The following RFTN1 variants were observed in gnomAD, a reference collection of about 807,000 sequenced individuals.
RFTN1 encodes the protein raftlin.
A neutral mutation model predicts 46.5 loss-of-function variants in RFTN1; 26 were observed. That is an observed-to-expected ratio of 0.56 (90% CI 0.41 to 0.78). The LOEUF (loss-of-function observed/expected upper bound fraction) is 0.78. RFTN1 is among the 30% of genes least tolerant of loss of function. RFTN1 has a pLI of 0.00. For synonymous variants in RFTN1, 261 were observed against 284.2 expected, an observed-to-expected ratio of 0.92 and a Z score of 0.82; for missense variants, 693 against 718.7, an observed-to-expected ratio of 0.96 and a Z score of 0.41.
At chr3:16,431,168 T>G (rs2125489414) in intron 3 of RFTN1, among the ~76,000 whole-genome samples, 1 of 152,322 alleles carries the variant, frequency 6.6e-6, no homozygotes. Context: ...AGTAGCCAAG[T>G]GCAGCCTAGA....
intron 3 of RFTN1, among the ~76,000 whole-genome samples, chr3:16,423,091 C>T (rs955441895): frequency 6.6e-6 from 1 of 151,988 alleles, no homozygotes; most frequent in Admixed American, 6.5e-5. Context: ...TGGCGAGAAC[C>T]CAGGAGGCAG....
chr3:16,433,915 G>T lies in RFTN1; in HGVS notation c.268C>A (p.His90Asn), dbSNP rs2075445349. ...AALHPFVQPT[H>N]EREKTPLEHI... ...TCCAGGGGCGTCTTCTCCCGCTCAT[G>T]GGTGGGCTGCACGAAGGGGTGCAGG... Residue 90 changes from histidine to asparagine, a missense_variant, in exon 3 of 10, where the codon CAT becomes AAT. By Grantham distance (68) the His-to-Asn change is moderately conservative. Transcript: ENST00000334133. This position sits in a 1 kb window ranked among gnomAD's most constrained non-coding sequence, Gnocchi z 4.4. 1.1e-5 allele frequency: 17 copies of T among 1,614,216 alleles called. No homozygotes were observed. Among genetic ancestry groups the T allele is most frequent in the Non-Finnish European group, 1.4e-5 (17 of 1,180,038 alleles).
chr3:16,462,013 G>A (rs567051083), intron 2 of RFTN1, among the ~76,000 whole-genome samples: 2 of 152,316 alleles, frequency 1.3e-5, no homozygotes, highest in East Asian at 3.9e-4. Flanking sequence ...CAGTCTAAAA[G>A]CCAGCTCCTG....
chr3:16,366,716 G>A (rs1168793541), intron 6 of RFTN1, among the ~76,000 whole-genome samples: 1 of 152,014 alleles, frequency 6.6e-6, no homozygotes, highest in Non-Finnish European at 1.5e-5. Flanking sequence ...TATAACACAG[G>A]CATAACTACC....
rs2072853692 is a variant in RFTN1, at chr3:16,361,849, G to C, written c.1031-3802C>G. On this transcript the variant is annotated intron_variant, in intron 6 of 9. Coordinates refer to ENST00000334133, the MANE Select transcript of RFTN1 (RefSeq NM_015150.2). The surrounding 1 kb of genome is among the most constrained non-coding windows in gnomAD (Gnocchi z 4.3). ...TGAGAGGGCATGCCCCAGTTAGCCA[G>C]TTGGTTCTAGGGAGATGAAGGACAA... Among the ~76,000 whole-genome samples, 1 of 152,242 alleles carries C rather than the reference G, an allele frequency of 6.6e-6. No individual in the cohort carries two copies. The highest frequency in any genetic ancestry group is 1.5e-5 in the Non-Finnish European group (1 of 68,044).
chr3:16,388,345 T>C (rs1448679525), intron 4 of RFTN1, among the ~76,000 whole-genome samples: 1 of 152,236 alleles, frequency 6.6e-6, no homozygotes, highest in Admixed American at 6.5e-5. Flanking sequence ...CAGTAAGTAT[T>C]CCTTGGGCAT....
rs372235591 is a variant in RFTN1, at chr3:16,361,511, T to C, written c.1031-3464A>G. 1.1e-4 allele frequency among the ~76,000 whole-genome samples: 16 copies of C among 152,164 alleles called. No individual in the cohort carries two copies. The highest frequency in any genetic ancestry group is 3.9e-4 in the African/African-American group (16 of 41,498). On this transcript the variant is annotated intron_variant, in intron 6 of 9. Transcript: ENST00000334133. This position sits in a 1 kb window ranked among gnomAD's most constrained non-coding sequence, Gnocchi z 4.3. ...GTGGTGGCTATTTTTGAAAGAGGCATCAGGGTAGGGCTCCCCACTTCGAGT... is the reference window on the plus strand; with the variant it reads ...GTGGTGGCTATTTTTGAAAGAGGCACCAGGGTAGGGCTCCCCACTTCGAGT...
chr3:16,327,498 G>T lies in RFTN1; in HGVS notation c.1147-622C>A, dbSNP rs1157813014. On this transcript the variant is annotated intron_variant, in intron 7 of 9. Coordinates refer to ENST00000334133, the MANE Select transcript of RFTN1 (RefSeq NM_015150.2). The surrounding 1 kb of genome is among the most constrained non-coding windows in gnomAD (Gnocchi z 4.2). ...GCCCCGGCCGGGTGCTGTGGCTCAC[G>T]TCTGTAATCCCAGCACTTTGGGAGG... Among the ~76,000 whole-genome samples the T allele has an allele frequency of 2.0e-5, 3 of 151,972 alleles. No individual in the cohort carries two copies.
chr3:16,386,541 C>T (rs1559313973), intron 4 of RFTN1, among the ~76,000 whole-genome samples: 1 of 152,210 alleles, frequency 6.6e-6, no homozygotes, highest in African/African-American at 2.4e-5. Context: ...CACGTTGCTA[C>T]CTGTTACGCT....
chr3:16,329,654 C>A lies in RFTN1; in HGVS notation c.1147-2778G>T, dbSNP rs2070105342. Among the ~76,000 whole-genome samples, 2 of 152,198 alleles carry A rather than the reference C, an allele frequency of 1.3e-5. No individual in the cohort carries two copies. Among genetic ancestry groups the A allele is most frequent in the South Asian group, 4.1e-4 (2 of 4,830 alleles). On this transcript the variant is annotated intron_variant, in intron 7 of 9. Coordinates refer to ENST00000334133, the MANE Select transcript of RFTN1 (RefSeq NM_015150.2). The surrounding 1 kb of genome is among the most constrained non-coding windows in gnomAD (Gnocchi z 4.5). ...CTGCTTTATCCTGAGAATCCCTGCC[C>A]CCATCCCCGTATTCCCAGTTTAAAG...
chr3:16,493,909 A>AT (rs746002150), intron 1 of RFTN1, 32 bp from the exon 2 acceptor site: 11 of 1,610,958 alleles, frequency 6.8e-6, no homozygotes, highest in South Asian at 5.5e-5. Flanking sequence ...CGGGGAGGTG[A>AT]TTTTTTTCTG....
chr3:16,377,614 C>T, intron 5 of RFTN1, 104 bp downstream of exon 5: 1 of 1,493,140 alleles, frequency 6.7e-7, no homozygotes, highest in Non-Finnish European at 8.9e-7. Context: ...GCTGTCTCTA[C>T]ACTCTAAATT....
intron 3 of RFTN1, among the ~76,000 whole-genome samples, chr3:16,412,403 G>A (rs1437524170): frequency 1.3e-5 from 2 of 152,212 alleles, no homozygotes; most frequent in Admixed American, 1.3e-4. Flanking sequence ...CACAGAGGAA[G>A]AGCTGAAGGC....
rs1218854775 is a variant in RFTN1 at position 16,356,204 on chromosome 3, G to C, written c.1146+1728C>G. On this transcript the variant is annotated intron_variant, in intron 7 of 9. Transcript: ENST00000334133. This position sits in a 1 kb window ranked among gnomAD's most constrained non-coding sequence, Gnocchi z 4.9. ...GACAGGACCTGCCCACACTCGCTTG[G>C]CATCTTGGACTGAGCTTTACTTCCT... Among the ~76,000 whole-genome samples, 1 of 152,178 alleles carries C rather than the reference G, an allele frequency of 6.6e-6. No homozygotes were observed. Among genetic ancestry groups the C allele is most frequent in the Admixed American group, 6.5e-5 (1 of 15,276 alleles).
At chr3:16,467,399 A>C (rs1353415391) in intron 2 of RFTN1, among the ~76,000 whole-genome samples, 2 of 152,188 alleles carry the variant, frequency 1.3e-5, no homozygotes, top group African/African-American at 4.8e-5. Context: ...AGACTGCTCC[A>C]GTGCCATCCA....
intron 6 of RFTN1, among the ~76,000 whole-genome samples, chr3:16,363,995 C>T (rs1332167323): frequency 6.6e-6 from 1 of 152,262 alleles, no homozygotes; most frequent in African/African-American, 2.4e-5. Context: ...TTCCCAATCA[C>T]ACTGCAGCTA....
At position 16,503,424 on chromosome 3, in the gene RFTN1, A is replaced by C. The variant is rs572250066; in HGVS notation, c.-8-9547T>G. Among the ~76,000 whole-genome samples, 15 of 152,248 alleles carry C rather than the reference A, an allele frequency of 9.9e-5. No individual in the cohort carries two copies. The East Asian group carries it at 2.9e-3, about 29-fold the overall frequency. ...GACTGCACTTTGGAACCATCTGGAG[A>C]GCTGTTAAAAGCCCTGATGCTCAGG... On this transcript the variant is annotated intron_variant, in intron 1 of 9. Coordinates refer to ENST00000334133, the MANE Select transcript of RFTN1 (RefSeq NM_015150.2).
intron 8 of RFTN1, among the ~76,000 whole-genome samples, 171 bp from the exon 9 acceptor site, chr3:16,323,628 C>A (rs777131797): frequency 6.6e-6 from 1 of 152,194 alleles, no homozygotes; most frequent in Admixed American, 6.5e-5. Flanking sequence ...AACCTTGCTT[C>A]CGAGGGGCTA....
Position 16,382,974 on chromosome 3 carries a change from T to A in RFTN1, c.442-4872A>T, listed in dbSNP as rs1463808885. 2.0e-5 allele frequency among the ~76,000 whole-genome samples: 3 copies of A among 152,162 alleles called. No homozygotes were observed. Among genetic ancestry groups the A allele is most frequent in the Non-Finnish European group, 2.9e-5 (2 of 68,028 alleles). ...CTCCCACGCATGCCCACAACATCTC[T>A]AACAACAGCGATTACAGGAAACAGC... is the stretch of plus-strand genomic sequence containing the variant. On this transcript the variant is annotated intron_variant, in intron 4 of 9. Transcript: ENST00000334133. This position sits in a 1 kb window ranked among gnomAD's most constrained non-coding sequence, Gnocchi z 4.7.
Sources: gnomAD v4.1 joint callset for allele counts (sites outside exome capture counted in the v4.1 genomes callset) on GRCh38, gnomAD v4.1.1 for gene constraint, Gnocchi (gnomAD v3.1) non-coding constraint, MANE v1.5 for transcripts, NCBI Gene and HGNC (gene_info 2026-07-23, HGNC 2026-07-21) for gene names.